Variants in TMCO4 observed in about 807,000 individuals in gnomAD.
TMCO4 encodes the protein transmembrane and coiled-coil domain-containing protein 4.
A neutral mutation model predicts 64.7 loss-of-function variants in TMCO4; 58 were observed. That is an observed-to-expected ratio of 0.90 (90% CI 0.73 to 1.12). The LOEUF (loss-of-function observed/expected upper bound fraction) is 1.12. Ranked by LOEUF, TMCO4 falls within the 50% of genes most tolerant of loss-of-function variation. TMCO4 has a pLI of 0.00. For missense variants in TMCO4, 780 were observed against 825.9 expected (o/e 0.94, Z 0.68); for synonymous variants, 325 against 346.1 (o/e 0.94, Z 0.68).
intron 13 of TMCO4, among the ~76,000 whole-genome samples, chr1:19,725,677 T>C (rs1416746549): frequency 6.6e-6 from 1 of 152,170 alleles, no homozygotes; most frequent in African/African-American, 2.4e-5. Flanking sequence ...CTTGGACTGT[T>C]GCTAGAGGGG....
In TMCO4 at chr1:19,794,250, C is replaced by A. The variant is rs181760786; in HGVS notation, c.-101+3887G>T. 4.5e-3 allele frequency among the ~76,000 whole-genome samples: 678 copies of A among 152,318 alleles called. 7 individuals are homozygous for A. The highest frequency in any genetic ancestry group is 0.016 in the African/African-American group (654 of 41,560). ...AAATCTCACACTTCAGTGCAGCCAC[C>A]CTACCCACTGCCCATCCTAGCCCCT... On this transcript the variant is annotated intron_variant, in intron 2 of 15. Transcript: ENST00000294543.
intron 4 of TMCO4, among the ~76,000 whole-genome samples, chr1:19,773,535 A>G (rs1323610252): frequency 1.3e-5 from 2 of 152,208 alleles, no homozygotes; most frequent in Non-Finnish European, 2.9e-5. Flanking sequence ...GGCTCCCTTC[A>G]GCTGAGGCAG....
intron 15 of TMCO4, among the ~76,000 whole-genome samples, chr1:19,689,383 G>T (rs139373536): frequency 6.6e-5 from 10 of 152,334 alleles, no homozygotes; most frequent in African/African-American, 2.4e-4. Context: ...CAAAACTGCT[G>T]GTCCCAGAGG....
At chr1:19,699,019 ACCC>A (rs2095254409) in intron 14 of TMCO4, among the ~76,000 whole-genome samples, 1 of 151,982 alleles carries the variant, frequency 6.6e-6, no homozygotes, top group Non-Finnish European at 1.5e-5. Flanking sequence ...ACACGGTGAA[ACCC>A]CATCTCTACT....
At chr1:19,746,253 T>A (rs1427071443) in intron 9 of TMCO4, among the ~76,000 whole-genome samples, 4 of 152,114 alleles carry the variant, frequency 2.6e-5, no homozygotes, top group African/African-American at 9.7e-5. Context: ...ACAAGGTGCA[T>A]GGGGAAAAAG....
chr1:19,774,060 G>A (rs947863534), intron 4 of TMCO4, among the ~76,000 whole-genome samples: 4 of 152,216 alleles, frequency 2.6e-5, no homozygotes, highest in Non-Finnish European at 4.4e-5. Flanking sequence ...TCTGGCACCA[G>A]TGAACCCTGG....
At chr1:19,702,256 A>G (rs2095277367) in intron 13 of TMCO4, among the ~76,000 whole-genome samples, 1 of 134,672 alleles carries the variant, frequency 7.4e-6, no homozygotes, top group African/African-American at 2.9e-5. Context: ...GGCGTGAGCC[A>G]CCGTGCCTGG....
At chr1:19,697,456 CAT>C (rs2095244187) in intron 14 of TMCO4, among the ~76,000 whole-genome samples, 1 of 147,362 alleles carries the variant, frequency 6.8e-6, no homozygotes, top group Non-Finnish European at 1.5e-5. Context: ...GTTTTTGAGA[CAT>C]AGTCTCGCTC....
intron 7 of TMCO4, among the ~76,000 whole-genome samples, chr1:19,753,108 C>T (rs548306265): frequency 6.6e-6 from 1 of 152,050 alleles, no homozygotes; most frequent in Non-Finnish European, 1.5e-5. Context: ...TACAGGCATA[C>T]GCCATCACAC....
intron 3 of TMCO4, among the ~76,000 whole-genome samples, chr1:19,781,890 C>T (rs1405874417): frequency 6.6e-6 from 1 of 152,214 alleles, no homozygotes; most frequent in Non-Finnish European, 1.5e-5. Context: ...TCGTGATCCG[C>T]CCGCCTTGGC....
rs1002301528 is a variant in TMCO4 at position 19,732,926 on chromosome 1, C to T, written c.1264+4446G>A. Reference sequence around the variant, plus strand: ...ATGTAGAGGTTTTCTTTTTTTCTTTCTTCTCGTTTTTCTTTTTTGCTGACT... The same window carrying T: ...ATGTAGAGGTTTTCTTTTTTTCTTTTTTCTCGTTTTTCTTTTTTGCTGACT... On this transcript the variant is annotated intron_variant, in intron 13 of 15. Coordinates refer to ENST00000294543, the MANE Select transcript of TMCO4 (RefSeq NM_181719.7). The surrounding 1 kb of genome is among the most constrained non-coding windows in gnomAD (Gnocchi z 4.8). Among the ~76,000 whole-genome samples, 10 of 151,630 alleles carry T rather than the reference C, an allele frequency of 6.6e-5. No individual in the cohort carries two copies. The highest frequency in any genetic ancestry group is 1.2e-4 in the Non-Finnish European group (8 of 67,924).
rs1388849968 is a variant in TMCO4, at chr1:19,734,553, A to G, written c.1264+2819T>C. On this transcript the variant is annotated intron_variant, in intron 13 of 15. Transcript: ENST00000294543. The surrounding 1 kb of genome is among the most constrained non-coding windows in gnomAD (Gnocchi z 4.4). ...GTTGTTTCCAACTCCTTAGCCTGGC[A>G]CAGTGCCAGGCTCCCACCCTGACCT... Among the ~76,000 whole-genome samples, 1 of 152,026 alleles carries G rather than the reference A, an allele frequency of 6.6e-6. No homozygotes were observed. The highest frequency in any genetic ancestry group is 1.5e-5 in the Non-Finnish European group (1 of 67,982).
intron 4 of TMCO4, among the ~76,000 whole-genome samples, chr1:19,773,536 G>C (rs1456824087): frequency 6.6e-6 from 1 of 152,220 alleles, no homozygotes; most frequent in African/African-American, 2.4e-5. Context: ...GCTCCCTTCA[G>C]CTGAGGCAGG....
At position 19,760,617 on chromosome 1, in the gene TMCO4, GC is replaced by G. The variant is rs1462990075; in HGVS notation, c.383-4852del. On this transcript the variant is annotated intron_variant, in intron 6 of 15. Coordinates refer to ENST00000294543, the MANE Select transcript of TMCO4 (RefSeq NM_181719.7). ...TATCTCCAGCAATCCACACACCTTT[GC>G]CTCCCAAAGTACGTGGTGGGATTAA... is the stretch of plus-strand genomic sequence containing the variant. 2.0e-5 allele frequency among the ~76,000 whole-genome samples: 3 copies of G among 152,202 alleles called. No individual in the cohort carries two copies. In the South Asian group the frequency reaches 6.2e-4, roughly 32 times the overall value.
intron 7 of TMCO4, among the ~76,000 whole-genome samples, chr1:19,751,908 C>T (rs1376276522): frequency 2.0e-5 from 3 of 151,930 alleles, no homozygotes; most frequent in South Asian, 2.1e-4. Context: ...ATTAGCTGGG[C>T]GTGGTGGCGG....
intron 13 of TMCO4, among the ~76,000 whole-genome samples, chr1:19,733,966 C>T (rs894154136): frequency 6.6e-6 from 1 of 152,162 alleles, no homozygotes; most frequent in African/African-American, 2.4e-5. Context: ...TGGAAGGACT[C>T]CATGAAATAA....
intron 4 of TMCO4, among the ~76,000 whole-genome samples, chr1:19,773,741 T>A (rs746417686): frequency 1.3e-5 from 2 of 151,864 alleles, no homozygotes; most frequent in African/African-American, 2.4e-5. Flanking sequence ...GAGGATGAAG[T>A]GAGATGATAA....
intron 13 of TMCO4, among the ~76,000 whole-genome samples, chr1:19,712,635 G>T (rs921906377): frequency 1.3e-4 from 19 of 145,536 alleles, no homozygotes; most frequent in African/African-American, 4.7e-4. Flanking sequence ...AAAAAAAAAA[G>T]AAAAAAGAAA....
chr1:19,791,334 TA>T lies in TMCO4; in HGVS notation c.-100-4218del, dbSNP rs58803246. On this transcript the variant is annotated intron_variant, in intron 2 of 15. Coordinates refer to ENST00000294543, the MANE Select transcript of TMCO4 (RefSeq NM_181719.7). The stretch of plus-strand genomic sequence containing the variant: ...TTAAAATTAAAATTAAAATTAAAAT[TA>T]AAAAAAAAAAGGAAAAGAAAATAGC... Among the ~76,000 whole-genome samples, 173 of 143,332 alleles carry T rather than the reference TA, an allele frequency of 1.2e-3. 2 individuals are homozygous for T. The highest frequency in any genetic ancestry group is 4.0e-3 in the South Asian group (18 of 4,548). The allele number at this position is 143,332 out of a possible 152,430, so 94.0% of individuals were successfully genotyped here.
Sources: allele counts gnomAD v4.1 joint callset (sites outside exome capture counted in the v4.1 genomes callset), GRCh38; gene constraint gnomAD v4.1.1; non-coding constraint Gnocchi (gnomAD v3.1); transcripts MANE v1.5; gene names NCBI Gene and HGNC (gene_info 2026-07-23, HGNC 2026-07-21).